PLCB1: variants seen among roughly 807,000 people sequenced by gnomAD.
PLCB1 encodes 1-phosphatidylinositol 4,5-bisphosphate phosphodiesterase beta-1.
PLCB1 carries 46 observed loss-of-function variants against 161.8 expected under a neutral mutation model. That is an observed-to-expected ratio of 0.28 (90% CI 0.22 to 0.36). PLCB1 has a LOEUF of 0.36. Among genes scored for constraint, PLCB1 ranks in the 10% least tolerant of loss-of-function variants. PLCB1 has a pLI of 1.00. For synonymous variants in PLCB1, 517 were observed against 503.7 expected, an observed-to-expected ratio of 1.03 and a Z score of -0.35; for missense variants, 1,016 against 1,472.5, an observed-to-expected ratio of 0.69 and a Z score of 5.07.
chr20:8,438,861 G>A (rs926933668), intron 3 of PLCB1, among the ~76,000 whole-genome samples: 3 of 152,316 alleles, frequency 2.0e-5, no homozygotes, highest in Non-Finnish European at 4.4e-5. Flanking sequence ...GCCCCAAGAC[G>A]ATGCAAGGCA....
intron 9 of PLCB1, among the ~76,000 whole-genome samples, chr20:8,662,697 AGAT>A (rs1989712192): frequency 6.6e-6 from 1 of 151,174 alleles, no homozygotes; most frequent in Non-Finnish European, 1.5e-5. Flanking sequence ...TGCAGATTCG[AGAT>A]CCTGCATTTC....
intron 9 of PLCB1, among the ~76,000 whole-genome samples, chr20:8,666,437 G>T (rs1989814125): frequency 6.6e-6 from 1 of 152,214 alleles, no homozygotes; most frequent in Non-Finnish European, 1.5e-5. Flanking sequence ...AAAATGGAAA[G>T]AGGCTGTGCC....
intron 3 of PLCB1, among the ~76,000 whole-genome samples, chr20:8,391,810 TATATATATATATATACAC>T (rs1987608704): frequency 7.2e-6 from 1 of 139,540 alleles, no homozygotes; most frequent in African/African-American, 2.7e-5. Context: ...TATATATATA[TATATATATATATATACAC>T]ACACATATAT....
At chr20:8,465,345 T>C (rs1052279570) in intron 3 of PLCB1, among the ~76,000 whole-genome samples, 1 of 152,022 alleles carries the variant, frequency 6.6e-6, no homozygotes, top group Non-Finnish European at 1.5e-5. Flanking sequence ...ACCGACCAGG[T>C]TGTGGGTATG....
intron 2 of PLCB1, among the ~76,000 whole-genome samples, chr20:8,340,036 A>T (rs1985741137): frequency 6.6e-6 from 1 of 152,230 alleles, no homozygotes; most frequent in Non-Finnish European, 1.5e-5. Flanking sequence ...AGCACATAGC[A>T]TGTGCTCAGT....
rs141156661 is a variant in PLCB1, at chr20:8,593,782, G to T, written c.247-34512G>T. 5.2e-3 allele frequency among the ~76,000 whole-genome samples: 789 copies of T among 152,032 alleles called. 10 individuals are homozygous for T. The highest frequency in any genetic ancestry group is 0.016 in the African/African-American group (655 of 41,474). ...CCAGGAATTTTATGGACTTTGCCTTGCATGTTTTGTGACATTTTTTCGGGG... is the reference window on the plus strand; with the variant it reads ...CCAGGAATTTTATGGACTTTGCCTTTCATGTTTTGTGACATTTTTTCGGGG... On this transcript the variant is annotated intron_variant, in intron 3 of 31. Coordinates refer to ENST00000338037, the MANE Select transcript of PLCB1 (RefSeq NM_015192.4).
intron 3 of PLCB1, among the ~76,000 whole-genome samples, chr20:8,423,442 A>T (rs1979621066): frequency 6.6e-6 from 1 of 152,166 alleles, no homozygotes; most frequent in East Asian, 1.9e-4. Context: ...CTTACTGGGG[A>T]TGAGGTATCT....
chr20:8,366,160 G>T (rs1986705436), intron 2 of PLCB1, among the ~76,000 whole-genome samples: 1 of 151,684 alleles, frequency 6.6e-6, no homozygotes, highest in South Asian at 2.1e-4. Context: ...TGAGTATTTT[G>T]TTAAATACCC....
intron 31 of PLCB1, among the ~76,000 whole-genome samples, chr20:8,835,228 A>G (rs1013647210): frequency 6.6e-6 from 1 of 152,192 alleles, no homozygotes; most frequent in African/African-American, 2.4e-5. Context: ...ACAATGAGGC[A>G]GCAAGTGCAA....
At chr20:8,863,097 C>T (rs1228941149) in intron 31 of PLCB1, among the ~76,000 whole-genome samples, 2 of 152,172 alleles carry the variant, frequency 1.3e-5, no homozygotes, top group African/African-American at 2.4e-5. Flanking sequence ...CAGTTTCAGC[C>T]GTTTTTGCAC....
At chr20:8,847,220 T>A (rs1000137947) in intron 31 of PLCB1, among the ~76,000 whole-genome samples, 1 of 152,088 alleles carries the variant, frequency 6.6e-6, no homozygotes, top group Non-Finnish European at 1.5e-5. Context: ...GGATCACCAC[T>A]TCCTAATATT....
intron 10 of PLCB1, among the ~76,000 whole-genome samples, chr20:8,692,119 A>G (rs192444287): frequency 6.6e-6 from 1 of 152,322 alleles, no homozygotes; most frequent in East Asian, 1.9e-4. Flanking sequence ...AGAAACCATT[A>G]GATTTGAGGG....
intron 3 of PLCB1, among the ~76,000 whole-genome samples, chr20:8,441,641 C>A (rs1293118995): frequency 6.6e-6 from 1 of 152,030 alleles, no homozygotes; most frequent in East Asian, 1.9e-4. Context: ...TACCAATTAA[C>A]CAGGCAGGTG....
At chr20:8,156,066 C>T (rs973387823) in intron 2 of PLCB1, among the ~76,000 whole-genome samples, 1 of 152,174 alleles carries the variant, frequency 6.6e-6, no homozygotes, top group African/African-American at 2.4e-5. Flanking sequence ...TACCCACACC[C>T]TCTTCCTCAC....
At chr20:8,553,950 C>T (rs767664821) in intron 3 of PLCB1, among the ~76,000 whole-genome samples, 4 of 151,758 alleles carry the variant, frequency 2.6e-5, no homozygotes, top group African/African-American at 9.7e-5. Context: ...TGCAGTGAGC[C>T]GAGATTGCAC....
intron 2 of PLCB1, among the ~76,000 whole-genome samples, chr20:8,283,583 TA>T (rs899949333): frequency 1.3e-5 from 2 of 151,362 alleles, no homozygotes; most frequent in African/African-American, 2.4e-5. Flanking sequence ...ATAAATAAAA[TA>T]AAAAAATTAT....
intron 2 of PLCB1, among the ~76,000 whole-genome samples, chr20:8,313,710 C>T (rs1355242028): frequency 1.3e-5 from 2 of 152,144 alleles, no homozygotes; most frequent in South Asian, 2.1e-4. Context: ...TGTTTTCTTT[C>T]CAGAATCTTG....
At chr20:8,178,861 G>T (rs1212663217) in intron 2 of PLCB1, among the ~76,000 whole-genome samples, 2 of 152,222 alleles carry the variant, frequency 1.3e-5, no homozygotes, top group Non-Finnish European at 2.9e-5. Context: ...GGGCTGGCCA[G>T]TTATCCTAGC....
chr20:8,235,596 G>C (rs1980275945), intron 2 of PLCB1, among the ~76,000 whole-genome samples: 1 of 152,010 alleles, frequency 6.6e-6, no homozygotes, highest in Non-Finnish European at 1.5e-5. Flanking sequence ...AATTGGGAGA[G>C]AGCCAAAGTT....
Sources: allele counts gnomAD v4.1 joint callset (sites outside exome capture counted in the v4.1 genomes callset), GRCh38; gene constraint gnomAD v4.1.1; transcripts MANE v1.5; gene names NCBI Gene and HGNC (gene_info 2026-07-23, HGNC 2026-07-21).